Variants in LUZP2 observed in about 807,000 individuals in gnomAD.
LUZP2 encodes the protein leucine zipper protein 2.
In LUZP2, 52 loss-of-function variants were observed where a neutral mutation model predicts 51.6. That is an observed-to-expected ratio of 1.01 (90% CI 0.81 to 1.27). The LOEUF (loss-of-function observed/expected upper bound fraction) is 1.27. Ranked by LOEUF, LUZP2 falls within the 50% of genes most tolerant of loss-of-function variation. LUZP2 has a pLI of 0.00. For synonymous variants in LUZP2, 154 were observed against 137.3 expected (o/e 1.12, Z -0.85); for missense variants, 436 against 395.4 (o/e 1.10, Z -0.87).
chr11:24,561,396 A>G (rs2133772485), intron 1 of LUZP2, among the ~76,000 whole-genome samples: 1 of 152,254 alleles, frequency 6.6e-6, no homozygotes, highest in African/African-American at 2.4e-5. Flanking sequence ...TGAAATTGGT[A>G]TTAGAATCTC....
intron 4 of LUZP2, among the ~76,000 whole-genome samples, chr11:24,753,560 T>G (rs922432471): frequency 1.4e-4 from 21 of 152,176 alleles, no homozygotes; most frequent in African/African-American, 4.8e-4. Context: ...TTTACAGTAC[T>G]AGGTAGATGA....
At chr11:25,018,048 G>GT (rs369703081) in intron 9 of LUZP2, among the ~76,000 whole-genome samples, 124 of 16,374 alleles carry the variant, frequency 7.6e-3, no homozygotes, top group African/African-American at 0.021. Context: ...TTTTTTTTTT[G>GT]TTTTTTTTTT....
intron 9 of LUZP2, among the ~76,000 whole-genome samples, chr11:25,018,275 T>C (rs569503154): frequency 6.6e-6 from 1 of 152,234 alleles, no homozygotes; most frequent in South Asian, 2.1e-4. Context: ...CTTCCTCTTT[T>C]CCAATTTGGA....
chr11:24,742,647 C>T (rs1449020197), intron 4 of LUZP2, among the ~76,000 whole-genome samples: 1 of 152,016 alleles, frequency 6.6e-6, no homozygotes, highest in African/African-American at 2.4e-5. Flanking sequence ...TGTGTGTTGT[C>T]TGTTTACTCT....
At chr11:24,594,493 T>TA (rs1346037239) in intron 1 of LUZP2, among the ~76,000 whole-genome samples, 1 of 152,188 alleles carries the variant, frequency 6.6e-6, no homozygotes, top group African/African-American at 2.4e-5. Flanking sequence ...CAGGGATCGA[T>TA]ACTTTGATGA....
chr11:24,611,536 G>T lies in LUZP2; in HGVS notation c.62+114231G>T, dbSNP rs1854121240. On this transcript the variant is annotated intron_variant, in intron 1 of 11. Transcript: ENST00000336930. The surrounding 1 kb of genome is among the most constrained non-coding windows in gnomAD (Gnocchi z 4.6). Reference sequence around the variant, plus strand: ...TTGTGTGAAAAGATACATTGAGTCAGAGTTTGGCAATTATGGAACTAGGGT... The same window carrying T: ...TTGTGTGAAAAGATACATTGAGTCATAGTTTGGCAATTATGGAACTAGGGT... 6.6e-6 allele frequency among the ~76,000 whole-genome samples: 1 copy of T among 152,112 alleles called. No homozygotes were observed. Among genetic ancestry groups the T allele is most frequent in the South Asian group, 2.1e-4 (1 of 4,830 alleles).
At chr11:24,897,593 A>T (rs1056809514) in intron 5 of LUZP2, among the ~76,000 whole-genome samples, 4 of 152,202 alleles carry the variant, frequency 2.6e-5, no homozygotes, top group Non-Finnish European at 5.9e-5. Flanking sequence ...GGAACCCACC[A>T]GAAGGAAGAA....
At chr11:25,037,985 C>T (rs1258072450) in intron 9 of LUZP2, among the ~76,000 whole-genome samples, 1 of 152,018 alleles carries the variant, frequency 6.6e-6, no homozygotes, top group Non-Finnish European at 1.5e-5. Flanking sequence ...CTCTATATTA[C>T]TTGGATATGT....
At chr11:24,816,627 T>G (rs1250119523) in intron 5 of LUZP2, among the ~76,000 whole-genome samples, 1 of 152,152 alleles carries the variant, frequency 6.6e-6, no homozygotes, top group Non-Finnish European at 1.5e-5. Flanking sequence ...TTCTTTGTCA[T>G]TCAGTAATCT....
At chr11:24,899,632 A>G (rs1278057718) in intron 5 of LUZP2, among the ~76,000 whole-genome samples, 1 of 152,194 alleles carries the variant, frequency 6.6e-6, no homozygotes, top group African/African-American at 2.4e-5. Flanking sequence ...GCAAACTGCA[A>G]GAGAAAAGGC....
chr11:24,699,371 A>G (rs959247580), intron 1 of LUZP2, among the ~76,000 whole-genome samples: 15 of 152,284 alleles, frequency 9.9e-5, no homozygotes, highest in South Asian at 8.3e-4. Context: ...AGTTTTTTTC[A>G]TAATTCACAT....
intron 5 of LUZP2, among the ~76,000 whole-genome samples, chr11:24,884,472 C>G (rs1852603836): frequency 6.6e-6 from 1 of 151,968 alleles, no homozygotes; most frequent in African/African-American, 2.4e-5. Flanking sequence ...CATTTTTTCT[C>G]CCTATAAAAT....
intron 9 of LUZP2, among the ~76,000 whole-genome samples, chr11:25,017,930 T>C (rs1857204113): frequency 6.6e-6 from 1 of 152,200 alleles, no homozygotes; most frequent in Non-Finnish European, 1.5e-5. Flanking sequence ...GTGTTTCCAT[T>C]TGCTTGTGTC....
At chr11:24,545,725 C>T (rs1046162380) in intron 1 of LUZP2, among the ~76,000 whole-genome samples, 1 of 151,942 alleles carries the variant, frequency 6.6e-6, no homozygotes, top group African/African-American at 2.4e-5. Flanking sequence ...AGTGTGATGC[C>T]TCCAGCTTTG....
intron 9 of LUZP2, among the ~76,000 whole-genome samples, chr11:24,996,273 G>A (rs903938321): frequency 2.0e-5 from 3 of 150,138 alleles, no homozygotes; most frequent in Non-Finnish European, 4.4e-5. Flanking sequence ...TAAATAATAC[G>A]TTTCTCTCTC....
intron 10 of LUZP2, 121 bp from the exon 11 acceptor site, chr11:25,077,208 C>G: frequency 2.6e-6 from 2 of 776,088 alleles, no homozygotes; most frequent in Non-Finnish European, 4.5e-6. Context: ...TTTGCCCTTT[C>G]AGTATGGATC....
intron 1 of LUZP2, among the ~76,000 whole-genome samples, chr11:24,693,422 G>T (rs527694094): frequency 6.6e-6 from 1 of 151,588 alleles, no homozygotes; most frequent in South Asian, 2.1e-4. Flanking sequence ...ATCAATATAT[G>T]ATTTAAGAGA....
chr11:24,629,456 C>CATTATAT (rs1368686300), intron 1 of LUZP2, among the ~76,000 whole-genome samples: 2 of 146,894 alleles, frequency 1.4e-5, no homozygotes, highest in Admixed American at 6.8e-5. Flanking sequence ...TATATATATG[C>CATTATAT]ATTATACATT....
chr11:24,770,607 A>G (rs1193678059), intron 5 of LUZP2, among the ~76,000 whole-genome samples: 1 of 152,156 alleles, frequency 6.6e-6, no homozygotes, highest in Non-Finnish European at 1.5e-5. Context: ...CCTGAGAGAA[A>G]AATCTTGCAC....
Sources: allele counts gnomAD v4.1 joint callset (sites outside exome capture counted in the v4.1 genomes callset), GRCh38; gene constraint gnomAD v4.1.1; non-coding constraint Gnocchi (gnomAD v3.1); transcripts MANE v1.5; gene names NCBI Gene and HGNC (gene_info 2026-07-23, HGNC 2026-07-21).